The following OPRM1 variants were observed in gnomAD, a reference collection of about 807,000 sequenced individuals.
OPRM1 encodes opioid receptor mu 1.
In OPRM1, 27 loss-of-function variants were observed where a neutral mutation model predicts 31.8. That is an observed-to-expected ratio of 0.85 (90% confidence interval 0.63 to 1.17). The LOEUF (loss-of-function observed/expected upper bound fraction) is 1.17, where lower values mean the gene tolerates loss of function less well. Ranked by LOEUF, OPRM1 falls within the 50% of genes most tolerant of loss-of-function variation. The pLI is 0.00. For synonymous variants in OPRM1, 196 were observed against 189.9 expected, an observed-to-expected ratio of 1.03 and a Z score of -0.26; for missense variants, 536 against 511.1, an observed-to-expected ratio of 1.05 and a Z score of -0.47.
intron 1 of OPRM1, among the ~76,000 whole-genome samples, chr6:154,061,861 A>G (rs746021174): frequency 4.6e-5 from 7 of 152,086 alleles, no homozygotes; most frequent in Non-Finnish European, 8.8e-5. Context: ...ATGTATGTTG[A>G]CTCAATGTTG....
chr6:154,100,174 T>G (rs1562472711), intron 3 of OPRM1, among the ~76,000 whole-genome samples: 1 of 114,314 alleles, frequency 8.7e-6, no homozygotes, highest in Non-Finnish European at 1.7e-5. Flanking sequence ...ATAATATATA[T>G]TATCATATTA....
chr6:154,151,449 T>C (rs1449391921), intron 3 of OPRM1, among the ~76,000 whole-genome samples: 2 of 152,168 alleles, frequency 1.3e-5, no homozygotes, highest in Non-Finnish European at 2.9e-5. Context: ...GCACCACAGC[T>C]GTCAGTCATT....
Position 154,219,638 on chromosome 6 carries a change from T to TA in OPRM1, c.1165-27045dup, listed in dbSNP as rs879751181. On this transcript the variant is annotated intron_variant, in intron 3 of 3. Coordinates refer to the OPRM1 transcript ENST00000337049. ...AACAGGATTTAGCAACTGATGCAAATAAAAAAAAAATAAGTAAAGATCTTT... is the reference window on the plus strand; with the variant it reads ...AACAGGATTTAGCAACTGATGCAAATAAAAAAAAAAATAAGTAAAGATCTTT... 5.1e-3 allele frequency among the ~76,000 whole-genome samples: 752 copies of TA among 147,664 alleles called. 9 individuals carry two copies. The highest frequency in any genetic ancestry group is 0.017 in the African/African-American group (687 of 40,460).
chr6:154,212,914 C>T, intron 3 of OPRM1: 1 of 1,172,306 alleles, frequency 8.5e-7, no homozygotes, highest in East Asian at 2.4e-5. Context: ...TTCCATAATG[C>T]ATGAGCAGAG....
Position 154,238,834 on chromosome 6 carries a change from C to CCATG in OPRM1, c.1165-7857_1165-7854dup, listed in dbSNP as rs556239961. Among the ~76,000 whole-genome samples, 820 of 152,120 alleles carry CCATG rather than the reference C, an allele frequency of 5.4e-3. 1 individual carries two copies. Among genetic ancestry groups the CCATG allele is most frequent in the African/African-American group, 0.018 (755 of 41,504 alleles). On this transcript the variant is annotated intron_variant, in intron 3 of 3. Coordinates refer to the OPRM1 transcript ENST00000337049. ...GTGCTGGGATTACAGGCGTGAGCCA[C>CCATG]CATGCCTGGCCCTATTGTATAATCT... is the stretch of plus-strand genomic sequence containing the variant.
intron 3 of OPRM1, among the ~76,000 whole-genome samples, chr6:154,225,359 T>A (rs1779170055): frequency 6.6e-6 from 1 of 152,140 alleles, no homozygotes; most frequent in African/African-American, 2.4e-5. Flanking sequence ...CATTAACAGA[T>A]AAATGGATAA....
At chr6:154,063,663 C>T (rs994767928) in intron 1 of OPRM1, among the ~76,000 whole-genome samples, 19 of 152,078 alleles carry the variant, frequency 1.2e-4, no homozygotes, top group African/African-American at 4.6e-4. Flanking sequence ...TCGTTCTTTC[C>T]TCCTCCCAAA....
At chr6:154,032,230 C>A (rs1011585618) in intron 1 of OPRM1, among the ~76,000 whole-genome samples, 1 of 152,170 alleles carries the variant, frequency 6.6e-6, no homozygotes, top group East Asian at 1.9e-4. Context: ...ATGATGCATA[C>A]TGTGCCAAGG....
At chr6:154,186,537 G>C (rs982337689) in intron 3 of OPRM1, among the ~76,000 whole-genome samples, 1 of 151,970 alleles carries the variant, frequency 6.6e-6, no homozygotes, top group Non-Finnish European at 1.5e-5. Context: ...CACGGAGCCA[G>C]AGCAGCTCCT....
chr6:154,246,068 A>ATAGGGGTTAGC (rs1562564615), intron 3 of OPRM1, among the ~76,000 whole-genome samples: 1 of 152,176 alleles, frequency 6.6e-6, no homozygotes, highest in Non-Finnish European at 1.5e-5. Context: ...CAAAGCTGGC[A>ATAGGGGTTAGC]TAGGGGTTAG....
At chr6:154,180,347 C>CAT (rs143058126) in intron 3 of OPRM1, among the ~76,000 whole-genome samples, 49,363 of 142,042 alleles carry the variant, frequency 0.35, 8,531 homozygotes, top group Middle Eastern at 0.46. Flanking sequence ...AGAAAGGAGA[C>CAT]ATATATATAT....
rs745739707 is a variant in OPRM1, at chr6:154,130,211, C to T, written c.*11490C>T. 2.0e-4 allele frequency among the ~76,000 whole-genome samples: 30 copies of T among 149,512 alleles called. No homozygotes were observed. The highest frequency in any genetic ancestry group is 4.0e-4 in the Non-Finnish European group (27 of 67,662). On this transcript the variant is annotated 3_prime_UTR_variant, in exon 4 of 4. Transcript: ENST00000330432. Reference sequence around the variant, plus strand: ...TTTGATGGAGTCTCACTCTGTCGCCCAGGCTGGAGTGCAGTGGCTCAATCT... The same window carrying T: ...TTTGATGGAGTCTCACTCTGTCGCCTAGGCTGGAGTGCAGTGGCTCAATCT...
intron 1 of OPRM1, among the ~76,000 whole-genome samples, chr6:154,047,542 T>C (rs536116772): frequency 1.1e-4 from 16 of 152,158 alleles, no homozygotes; most frequent in Non-Finnish European, 2.4e-4. Flanking sequence ...ATCCTGGATG[T>C]TGTATTCCAA....
At chr6:154,166,285 C>A (rs1217597233) in intron 3 of OPRM1, among the ~76,000 whole-genome samples, 1 of 152,156 alleles carries the variant, frequency 6.6e-6, no homozygotes, top group Non-Finnish European at 1.5e-5. Flanking sequence ...AAAGTTGGCC[C>A]CCCAGTGGCC....
chr6:154,073,001 C>A (rs935256161), intron 1 of OPRM1, among the ~76,000 whole-genome samples: 25 of 152,134 alleles, frequency 1.6e-4, no homozygotes, highest in African/African-American at 4.6e-4. Context: ...ATATCCTATT[C>A]TTTAAACATA....
chr6:154,103,311 C>A (rs1448406493), intron 3 of OPRM1, among the ~76,000 whole-genome samples: 1 of 152,094 alleles, frequency 6.6e-6, no homozygotes, highest in African/African-American at 2.4e-5. Flanking sequence ...TTTTTAGAAC[C>A]TGGATTAAAT....
intron 3 of OPRM1, among the ~76,000 whole-genome samples, chr6:154,244,189 C>T (rs1780829540): frequency 6.6e-6 from 1 of 152,078 alleles, no homozygotes. Context: ...TCTTATTTCA[C>T]AGTTGGTGTC....
At chr6:154,024,951 G>A (rs1778604168) in intron 1 of OPRM1, among the ~76,000 whole-genome samples, 1 of 151,864 alleles carries the variant, frequency 6.6e-6, no homozygotes, top group Admixed American at 6.6e-5. Flanking sequence ...TAATGTTTAT[G>A]GTCCATCCTT....
chr6:154,059,136 T>C (rs1158997062), intron 1 of OPRM1, among the ~76,000 whole-genome samples: 2 of 152,312 alleles, frequency 1.3e-5, no homozygotes, highest in East Asian at 1.9e-4. Flanking sequence ...ATTTTCCTTA[T>C]TGATAGGCTC....
Sources: gnomAD v4.1 joint callset for allele counts (sites outside exome capture counted in the v4.1 genomes callset) on GRCh38, gnomAD v4.1.1 for gene constraint, MANE v1.5 for transcripts, NCBI Gene and HGNC (gene_info 2026-07-23, HGNC 2026-07-21) for gene names.